NRXN1: variants seen among roughly 807,000 people sequenced by gnomAD.
NRXN1 encodes the protein neurexin 1.
A neutral mutation model predicts 150.9 loss-of-function variants in NRXN1; 39 were observed. The ratio of observed to expected loss-of-function variants is 0.26; its 90% CI spans 0.20 to 0.34. The LOEUF (loss-of-function observed/expected upper bound fraction) is 0.34. Among genes scored for constraint, NRXN1 ranks in the 10% least tolerant of loss-of-function variants. NRXN1 has a pLI of 1.00. For synonymous variants in NRXN1, 924 were observed against 757.0 expected (o/e 1.22, Z -3.62); for missense variants, 1,815 against 1,949.9 (o/e 0.93, Z 1.30).
intron 17 of NRXN1, among the ~76,000 whole-genome samples, chr2:50,424,331 G>GGGGAGGAGGAGGAGGAGGAGT: frequency 6.9e-6 from 1 of 144,538 alleles, no homozygotes; most frequent in Admixed American, 6.9e-5. Context: ...GGAGGAGGAG[G>GGGGAGGAGGAGGAGGAGGAGT]GGGAGGAGGA....
chr2:50,062,718 T>A (rs1169989636), intron 19 of NRXN1, among the ~76,000 whole-genome samples: 1 of 152,156 alleles, frequency 6.6e-6, no homozygotes, highest in African/African-American at 2.4e-5. Flanking sequence ...TATCGATCAG[T>A]AGAGACAAGC....
At chr2:50,666,400 G>C (rs527948084) in intron 5 of NRXN1, among the ~76,000 whole-genome samples, 2 of 152,012 alleles carry the variant, frequency 1.3e-5, no homozygotes, top group East Asian at 1.9e-4. Context: ...ACAATTACTG[G>C]GGAGTATAAT....
At chr2:50,736,841 T>C (rs1247573771) in intron 5 of NRXN1, among the ~76,000 whole-genome samples, 3 of 152,168 alleles carry the variant, frequency 2.0e-5, no homozygotes, top group Non-Finnish European at 2.9e-5. Flanking sequence ...GCAGAAACCA[T>C]GACTTTATTT....
intron 5 of NRXN1, among the ~76,000 whole-genome samples, chr2:50,902,526 A>C (rs1317046680): frequency 6.6e-6 from 1 of 152,188 alleles, no homozygotes; most frequent in Non-Finnish European, 1.5e-5. Context: ...AATATCAGTT[A>C]ATTTTGTTTT....
chr2:51,002,179 T>G (rs1700158529), intron 2 of NRXN1, among the ~76,000 whole-genome samples: 1 of 152,062 alleles, frequency 6.6e-6, no homozygotes, highest in South Asian at 2.1e-4. Context: ...ATACCTTGTA[T>G]GCTTTTCTCT....
intron 14 of NRXN1, 119 bp downstream of exon 14, chr2:50,497,214 C>T (rs2104916991): frequency 1.6e-6 from 1 of 635,814 alleles, no homozygotes; most frequent in East Asian, 2.9e-5. Context: ...ATTTGTCCTC[C>T]ACCTGCTCCG....
intron 18 of NRXN1, among the ~76,000 whole-genome samples, chr2:50,124,598 C>G (rs1371493332): frequency 2.0e-5 from 3 of 152,042 alleles, no homozygotes; most frequent in Non-Finnish European, 2.9e-5. Context: ...TCCATCACCC[C>G]CAAAACTTCC....
chr2:50,341,728 A>G (rs1006574945), intron 17 of NRXN1, among the ~76,000 whole-genome samples: 2 of 152,244 alleles, frequency 1.3e-5, no homozygotes, highest in African/African-American at 2.4e-5. Context: ...ATGTTTTGTT[A>G]GAAAAAATAT....
At chr2:50,023,429 C>A (rs1466203761) in intron 21 of NRXN1, 11 of 151,890 alleles carry the variant, frequency 7.2e-5, no homozygotes, top group Non-Finnish European at 1.3e-4. Flanking sequence ...AGCCTGGTGT[C>A]ATTTTTTTTT....
In NRXN1 at chr2:50,518,671, C is replaced by G. The variant is rs142524542; in HGVS notation, c.2374+9954G>C. On this transcript the variant is annotated intron_variant, in intron 12 of 22. Transcript: ENST00000401669. ...TGCATTTTTTTAAAATTAAATATAT[C>G]ATTCCATGTCTAAATACACCACTGT... is the stretch of plus-strand genomic sequence containing the variant. Among the ~76,000 whole-genome samples the G allele has an allele frequency of 4.0e-5, 6 of 151,600 alleles. No individual in the cohort carries two copies. In the East Asian group the frequency reaches 9.6e-4, roughly 24 times the overall value.
chr2:50,897,729 C>T (rs1264619584), intron 5 of NRXN1, among the ~76,000 whole-genome samples: 1 of 152,070 alleles, frequency 6.6e-6, no homozygotes, highest in Non-Finnish European at 1.5e-5. Flanking sequence ...AAAGGAAGAT[C>T]AGTGGTTGCC....
intron 5 of NRXN1, among the ~76,000 whole-genome samples, chr2:50,753,838 T>C (rs1559213292): frequency 6.6e-6 from 1 of 151,642 alleles, no homozygotes; most frequent in Non-Finnish European, 1.5e-5. Context: ...TGCTGCAAAT[T>C]TGTGTGTGTA....
chr2:51,005,409 A>C (rs1389265230), intron 2 of NRXN1, among the ~76,000 whole-genome samples: 1 of 151,988 alleles, frequency 6.6e-6, no homozygotes, highest in Non-Finnish European at 1.5e-5. Context: ...AAACCTTATC[A>C]TTTCTTTGTG....
In NRXN1 at chr2:51,026,187, C is replaced by T. The variant is rs1425574102; in HGVS notation, c.772+1315G>A. Among the ~76,000 whole-genome samples the T allele has an allele frequency of 2.6e-5, 4 of 152,218 alleles. No homozygotes were observed. In the South Asian group the frequency reaches 6.2e-4, roughly 24 times the overall value. On this transcript the variant is annotated intron_variant, in intron 2 of 22. Transcript: ENST00000401669. ...CATTATACAATAAAACGCAGCCACA[C>T]AGAGCTTTTGTCCCTATAGCTTTCG...
intron 5 of NRXN1, among the ~76,000 whole-genome samples, chr2:50,909,937 T>C (rs747038018): frequency 3.9e-5 from 6 of 151,920 alleles, no homozygotes; most frequent in Non-Finnish European, 7.4e-5. Flanking sequence ...AAAGAAAACA[T>C]CTCACCTTTG....
intron 2 of NRXN1, among the ~76,000 whole-genome samples, chr2:50,931,932 G>T (rs2104399392): frequency 6.6e-6 from 1 of 151,902 alleles, no homozygotes. Flanking sequence ...CACCGTGTTG[G>T]CTCACTGCAG....
intron 5 of NRXN1, among the ~76,000 whole-genome samples, chr2:50,876,762 G>A (rs891245847): frequency 1.3e-5 from 2 of 151,748 alleles, no homozygotes; most frequent in Non-Finnish European, 2.9e-5. Flanking sequence ...TTTTTAAGCA[G>A]TAACATGGTA....
At chr2:50,525,205 AG>A (rs1343961302) in intron 12 of NRXN1, among the ~76,000 whole-genome samples, 1 of 152,236 alleles carries the variant, frequency 6.6e-6, no homozygotes, top group Non-Finnish European at 1.5e-5. Flanking sequence ...TAGTCACAAA[AG>A]CACCTTGTTC....
chr2:50,244,682 G>A (rs2066340975), intron 17 of NRXN1, among the ~76,000 whole-genome samples: 1 of 151,766 alleles, frequency 6.6e-6, no homozygotes, highest in Non-Finnish European at 1.5e-5. Flanking sequence ...AAAAATGGTG[G>A]TGTTCTGTTG....
Sources: allele counts gnomAD v4.1 joint callset (sites outside exome capture counted in the v4.1 genomes callset), GRCh38; gene constraint gnomAD v4.1.1; transcripts MANE v1.5; gene names NCBI Gene and HGNC (gene_info 2026-07-23, HGNC 2026-07-21).